The following DPP6 variants were observed in gnomAD, a reference collection of about 807,000 sequenced individuals.
DPP6 encodes dipeptidyl peptidase like 6.
A neutral mutation model predicts 122.6 loss-of-function variants in DPP6; 69 were observed. That is an observed-to-expected ratio of 0.56 (90% CI 0.46 to 0.69). The LOEUF is 0.69. DPP6 is among the 30% of genes least tolerant of loss of function. The pLI, the probability that DPP6 is intolerant of heterozygous loss-of-function variation, is 0.00. For synonymous variants in DPP6, 418 were observed against 433.1 expected, an observed-to-expected ratio of 0.97 and a Z score of 0.43; for missense variants, 928 against 1,116.9, an observed-to-expected ratio of 0.83 and a Z score of 2.41.
At chr7:154,262,651 A>T (rs1006816425) in intron 1 of DPP6, among the ~76,000 whole-genome samples, 14 of 108,016 alleles carry the variant, frequency 1.3e-4, no homozygotes, top group African/African-American at 5.1e-4. Flanking sequence ...TGTCAAATGA[A>T]GTTCAAAAAA....
chr7:154,144,724 G>A (rs1229368829), intron 1 of DPP6, among the ~76,000 whole-genome samples: 1 of 152,146 alleles, frequency 6.6e-6, no homozygotes, highest in African/African-American at 2.4e-5. Context: ...TTTTTTTAGG[G>A]TTACATGATG....
intron 7 of DPP6, among the ~76,000 whole-genome samples, chr7:154,694,569 G>A (rs538623518): frequency 3.3e-5 from 5 of 151,928 alleles, no homozygotes; most frequent in Non-Finnish European, 7.4e-5. Flanking sequence ...CTGAGATCAC[G>A]TCACTGCACT....
Position 154,110,490 on chromosome 7 carries a change from A to G in DPP6, c.243+57427A>G, listed in dbSNP as rs561214765. The stretch of plus-strand genomic sequence containing the variant: ...TATACAATAACAGCCAGAGTTTTAA[A>G]ATAGACAAGAAGGACAGAAATCAGA... On this transcript the variant is annotated intron_variant, in intron 1 of 25. Transcript: ENST00000377770. 3.3e-5 allele frequency among the ~76,000 whole-genome samples: 5 copies of G among 152,334 alleles called. No individual in the cohort carries two copies. The East Asian group carries it at 7.7e-4, about 24-fold the overall frequency.
chr7:154,186,787 A>G (rs1027811994), intron 1 of DPP6, among the ~76,000 whole-genome samples: 1 of 152,262 alleles, frequency 6.6e-6, no homozygotes, highest in Non-Finnish European at 1.5e-5. Context: ...TGAATTATTC[A>G]TTCTGTTTTT....
intron 8 of DPP6, among the ~76,000 whole-genome samples, chr7:154,758,293 A>G (rs954761286): frequency 6.6e-6 from 1 of 151,980 alleles, no homozygotes; most frequent in Non-Finnish European, 1.5e-5. Flanking sequence ...TCATGGCCAC[A>G]CCTGGTTCTG....
rs188357828 is a variant in DPP6, at chr7:154,024,622, C to T, written c.51+136888C>T. The stretch of plus-strand genomic sequence containing the variant: ...ATGTGTGGATTCCTTTCATGGCACT[C>T]CCTGATTGAGACAATCTGTAAAATC... On this transcript the variant is annotated intron_variant, in intron 1 of 25. Transcript: ENST00000404039. Among the ~76,000 whole-genome samples the T allele has an allele frequency of 3.1e-3, 477 of 152,232 alleles. 4 individuals carry two copies. The highest frequency in any genetic ancestry group is 9.9e-3 in the African/African-American group (412 of 41,556).
At chr7:154,427,945 G>A (rs1231667843) in intron 1 of DPP6, among the ~76,000 whole-genome samples, 1 of 152,180 alleles carries the variant, frequency 6.6e-6, no homozygotes, top group Admixed American at 6.5e-5. Flanking sequence ...TTGTGTGAGT[G>A]GTATGGAAGC....
intron 2 of DPP6, among the ~76,000 whole-genome samples, chr7:154,473,869 A>G (rs960447023): frequency 1.3e-5 from 2 of 152,182 alleles, no homozygotes; most frequent in African/African-American, 4.8e-5. Flanking sequence ...AGACATATGC[A>G]CCTCAGTTAG....
intron 1 of DPP6, among the ~76,000 whole-genome samples, chr7:154,370,379 G>T (rs1463078495): frequency 3.3e-5 from 5 of 151,048 alleles, no homozygotes; most frequent in East Asian, 1.9e-4. Flanking sequence ...TTTATTTTTT[G>T]GGGGGGAGGG....
In DPP6 at chr7:154,393,704, A is replaced by T. The variant is rs576387004; in HGVS notation, c.244-52510A>T. 1.7e-4 allele frequency among the ~76,000 whole-genome samples: 26 copies of T among 152,260 alleles called. No homozygotes were observed. In the South Asian group the frequency reaches 5.2e-3, roughly 30 times the overall value. On this transcript the variant is annotated intron_variant, in intron 1 of 25. Coordinates refer to ENST00000377770, the MANE Select transcript of DPP6 (RefSeq NM_130797.4). Reference sequence around the variant, plus strand: ...GAGGTGTATAATTTGGTGGTATTAAATGCATTAATAATGTTGTATGATGAT... The same window carrying T: ...GAGGTGTATAATTTGGTGGTATTAATTGCATTAATAATGTTGTATGATGAT...
At chr7:154,496,723 C>A (rs772748731) in intron 3 of DPP6, among the ~76,000 whole-genome samples, 10 of 152,178 alleles carry the variant, frequency 6.6e-5, no homozygotes, top group Admixed American at 2.0e-4. Context: ...ACAGACCTAA[C>A]GCCTGTGCTT....
the DPP6 span, among the ~76,000 whole-genome samples, chr7:153,801,557 G>A: frequency 3.9e-5 from 6 of 152,168 alleles, no homozygotes; most frequent in Non-Finnish European, 8.8e-5. Flanking sequence ...GATGATGGCA[G>A]GAAAGGGGGC....
intron 8 of DPP6, among the ~76,000 whole-genome samples, chr7:154,766,717 G>A (rs557124088): frequency 6.6e-6 from 1 of 152,322 alleles, no homozygotes; most frequent in East Asian, 1.9e-4. Context: ...AAGATCGATG[G>A]AAATAGAGTA....
At chr7:154,061,814 G>T (rs1463328450) in intron 1 of DPP6, among the ~76,000 whole-genome samples, 30 of 120,894 alleles carry the variant, frequency 2.5e-4, no homozygotes, top group African/African-American at 9.7e-4. Flanking sequence ...GACTGAGAGC[G>T]AGCCCCTCTT....
At chr7:153,945,649 G>A (rs1262048630) in intron 1 of DPP6, among the ~76,000 whole-genome samples, 2 of 152,088 alleles carry the variant, frequency 1.3e-5, no homozygotes, top group East Asian at 1.9e-4. Context: ...TCTCCTCTGA[G>A]GATACAAGTA....
intron 1 of DPP6, among the ~76,000 whole-genome samples, chr7:154,081,839 G>A (rs898215482): frequency 7.9e-5 from 12 of 152,024 alleles, no homozygotes; most frequent in South Asian, 2.1e-4. Context: ...CTTGACGTTA[G>A]CAAATAAGGT....
chr7:154,759,411 G>A (rs1453916320), intron 8 of DPP6, among the ~76,000 whole-genome samples: 2 of 152,362 alleles, frequency 1.3e-5, no homozygotes, highest in East Asian at 3.9e-4. Context: ...CGTTCTCCCA[G>A]GAGCAGCCTG....
chr7:154,756,333 C>T (rs569987452), intron 8 of DPP6, among the ~76,000 whole-genome samples: 17 of 152,330 alleles, frequency 1.1e-4, no homozygotes, highest in Non-Finnish European at 2.1e-4. Context: ...CTCAGTTGGG[C>T]CCCTGCCTAT....
At chr7:154,844,027 C>T (rs571921806) in intron 16 of DPP6, among the ~76,000 whole-genome samples, 1 of 152,226 alleles carries the variant, frequency 6.6e-6, no homozygotes, top group East Asian at 1.9e-4. Context: ...GAATTACATG[C>T]AAAGTAAAAA....
Sources: gnomAD v4.1 joint callset for allele counts (sites outside exome capture counted in the v4.1 genomes callset) on GRCh38, gnomAD v4.1.1 for gene constraint, MANE v1.5 for transcripts, NCBI Gene and HGNC (gene_info 2026-07-23, HGNC 2026-07-21) for gene names.